Variants in CBLB observed in about 807,000 individuals in gnomAD.
CBLB encodes E3 ubiquitin-protein ligase CBL-B.
CBLB carries 31 observed loss-of-function variants against 104.9 expected under a neutral mutation model. That is an observed-to-expected ratio of 0.30 (90% CI 0.22 to 0.40). The LOEUF is 0.40. Among genes scored for constraint, CBLB ranks in the 10% least tolerant of loss-of-function variants. The pLI, the probability that CBLB is intolerant of heterozygous loss-of-function variation, is 1.00. For synonymous variants in CBLB, 440 were observed against 422.6 expected, an observed-to-expected ratio of 1.04 and a Z score of -0.51; for missense variants, 1,062 against 1,214.6, an observed-to-expected ratio of 0.87 and a Z score of 1.87.
Position 105,825,900 on chromosome 3 carries a change from TATTTC to T in CBLB, c.419+27509_419+27513del, listed in dbSNP as rs2086496327. On this transcript the variant is annotated intron_variant, in intron 3 of 18. Transcript: ENST00000394030. ...AGATCGACCCCAATTTTTATACTCGTATTTCATTTCAAATCAGAACAGCATTTTTG... is the reference window on the plus strand; with the variant it reads ...AGATCGACCCCAATTTTTATACTCGTATTTCAAATCAGAACAGCATTTTTG... Among the ~76,000 whole-genome samples, 3 of 152,302 alleles carry T rather than the reference TATTTC, an allele frequency of 2.0e-5. No homozygotes were observed. In the South Asian group the frequency reaches 6.2e-4, roughly 32 times the overall value.
chr3:105,860,128 T>G (rs1221667743), intron 2 of CBLB, among the ~76,000 whole-genome samples: 2 of 152,196 alleles, frequency 1.3e-5, no homozygotes, highest in Non-Finnish European at 2.9e-5. Context: ...GGAACTTCCT[T>G]GAAAGTGAAG....
intron 4 of CBLB, among the ~76,000 whole-genome samples, chr3:105,764,203 G>T (rs2077973175): frequency 6.6e-6 from 1 of 152,074 alleles, no homozygotes; most frequent in African/African-American, 2.4e-5. Flanking sequence ...TATAAATCCA[G>T]GGGCACACAC....
At chr3:105,684,223 T>G (rs2152734772) in intron 14 of CBLB, among the ~76,000 whole-genome samples, 1 of 152,282 alleles carries the variant, frequency 6.6e-6, no homozygotes. Flanking sequence ...TGAGCCCTAT[T>G]CTATGTGCCA....
At chr3:105,710,235 T>A (rs1326826092) in intron 10 of CBLB, among the ~76,000 whole-genome samples, 1 of 151,934 alleles carries the variant, frequency 6.6e-6, no homozygotes, top group Admixed American at 6.6e-5. Context: ...TGTTAATGAA[T>A]GACTAAAGTA....
intron 2 of CBLB, among the ~76,000 whole-genome samples, chr3:105,862,328 T>G (rs2153148136): frequency 1.3e-5 from 2 of 152,272 alleles, no homozygotes; most frequent in South Asian, 2.1e-4. Context: ...CCCGCACACT[T>G]CCTCTTTTCC....
At chr3:105,756,284 C>T (rs1411093626) in intron 4 of CBLB, among the ~76,000 whole-genome samples, 2 of 152,024 alleles carry the variant, frequency 1.3e-5, no homozygotes, top group Non-Finnish European at 2.9e-5. Context: ...AACATGGTTG[C>T]TGAACACAAA....
In CBLB at chr3:105,776,518, A is replaced by G; in HGVS notation, c.444T>C (p.Leu148=). Reference sequence around the variant, plus strand: ...TTTCTGCCAGCATGTGACTGAAGATAAGGGACAGTTTTGTGAGATTTCGTC... The same window carrying G: ...TTTCTGCCAGCATGTGACTGAAGATGAGGGACAGTTTTGTGAGATTTCGTC... ...QDRRNLTKLS[L]IFSHMLAEIK... Residue 148 remains leucine (L), a synonymous_variant, in exon 4 of 19, where the codon CTT becomes CTC. Coordinates refer to ENST00000394030, the MANE Select transcript of CBLB (RefSeq NM_170662.5). The G allele has an allele frequency of 2.5e-6, 4 of 1,613,878 alleles. No individual in the cohort carries two copies. Among genetic ancestry groups the G allele is most frequent in the Non-Finnish European group, 3.4e-6 (4 of 1,179,900 alleles).
chr3:105,660,368 T>C lies in CBLB; in HGVS notation c.2690-1139A>G, dbSNP rs61115724. Among the ~76,000 whole-genome samples the C allele has an allele frequency of 4.4e-3, 661 of 151,872 alleles. 4 individuals are homozygous for C. The highest frequency in any genetic ancestry group is 0.014 in the African/African-American group (580 of 41,402). ...ATGCCTGGCTAATTTTTTTTTTTTT[T>C]CCCAGTGGAGACAGGGTTTCACCAT... is the stretch of plus-strand genomic sequence containing the variant. On this transcript the variant is annotated intron_variant, in intron 18 of 18. Coordinates refer to ENST00000394030, the MANE Select transcript of CBLB (RefSeq NM_170662.5).
intron 6 of CBLB, 114 bp downstream of exon 6, chr3:105,745,803 T>C (rs914712005): frequency 1.1e-6 from 1 of 951,294 alleles, no homozygotes; most frequent in Non-Finnish European, 1.7e-6. Flanking sequence ...TTACCTTTTC[T>C]AGCCCCCTCC....
Position 105,814,711 on chromosome 3 carries a change from C to T in CBLB, c.420-38169G>A, listed in dbSNP as rs138297634. Among the ~76,000 whole-genome samples the T allele has an allele frequency of 2.1e-3, 312 of 152,096 alleles. 2 individuals are homozygous for T. The highest frequency in any genetic ancestry group is 7.1e-3 in the African/African-American group (293 of 41,476). On this transcript the variant is annotated intron_variant, in intron 3 of 18. Transcript: ENST00000394030. ...ACTACTACAACGTCTTGTTTAGGAC[C>T]GTCCTCATTACCAATTTCATGATGC...
intron 13 of CBLB, among the ~76,000 whole-genome samples, chr3:105,685,681 C>T (rs1029052532): frequency 4.6e-5 from 7 of 152,038 alleles, no homozygotes; most frequent in Admixed American, 2.6e-4. Context: ...GAATTTTCAT[C>T]CTCACAATTT....
chr3:105,764,216 T>C (rs1203899503), intron 4 of CBLB, among the ~76,000 whole-genome samples: 4 of 152,084 alleles, frequency 2.6e-5, no homozygotes, highest in African/African-American at 9.7e-5. Flanking sequence ...GCACACACTA[T>C]TAGTCCAGTG....
chr3:105,765,563 G>A (rs1246246896), intron 4 of CBLB, among the ~76,000 whole-genome samples: 2 of 151,998 alleles, frequency 1.3e-5, no homozygotes, highest in Non-Finnish European at 2.9e-5. Context: ...TCTTGTTAGT[G>A]GCCAATAAAA....
At chr3:105,806,345 T>C (rs2153029203) in intron 3 of CBLB, among the ~76,000 whole-genome samples, 1 of 152,232 alleles carries the variant, frequency 6.6e-6, no homozygotes, top group Non-Finnish European at 1.5e-5. Flanking sequence ...ACCACTGAAA[T>C]GAAACCTCTG....
chr3:105,665,442 T>TATATATACAC (rs1182735970), intron 18 of CBLB, among the ~76,000 whole-genome samples: 11 of 67,132 alleles, frequency 1.6e-4, no homozygotes, highest in East Asian at 4.2e-4. Flanking sequence ...TATATATATA[T>TATATATACAC]ACACACACAC....
At chr3:105,776,320 A>G (rs1464064751) in intron 4 of CBLB, 76 bp downstream of exon 4, 1 of 1,280,088 alleles carries the variant, frequency 7.8e-7, no homozygotes, top group Non-Finnish European at 1.1e-6. Flanking sequence ...TAAAATATAT[A>G]CCATATCCAA....
Position 105,698,384 on chromosome 3 carries a change from T to C in CBLB, c.1959+3710A>G, listed in dbSNP as rs547727962. Among the ~76,000 whole-genome samples the C allele has an allele frequency of 1.4e-4, 21 of 152,150 alleles. No homozygotes were observed. In the South Asian group the frequency reaches 4.4e-3, roughly 32 times the overall value. On this transcript the variant is annotated intron_variant, in intron 12 of 18. Coordinates refer to ENST00000394030, the MANE Select transcript of CBLB (RefSeq NM_170662.5). ...TTCTTCTGGATGATGGGAACTGACA[T>C]AATGACAGGACGAGTAATGAAGGGA...
intron 3 of CBLB, among the ~76,000 whole-genome samples, chr3:105,818,635 A>G (rs957865440): frequency 5.9e-5 from 9 of 152,166 alleles, no homozygotes; most frequent in Admixed American, 2.0e-4. Context: ...TTATAATGCA[A>G]CTGTATATTA....
chr3:105,757,424 T>TA (rs1399121095), intron 4 of CBLB, among the ~76,000 whole-genome samples: 1 of 152,200 alleles, frequency 6.6e-6, no homozygotes, highest in Non-Finnish European at 1.5e-5. Context: ...GTATCAGAAC[T>TA]ACTGGGTGGT....
Sources: gnomAD v4.1 joint callset for allele counts (sites outside exome capture counted in the v4.1 genomes callset) on GRCh38, gnomAD v4.1.1 for gene constraint, MANE v1.5 for transcripts, NCBI Gene and HGNC (gene_info 2026-07-23, HGNC 2026-07-21) for gene names.